The following ETV6 variants were observed in gnomAD, a reference collection of about 807,000 sequenced individuals.
ETV6 encodes the protein ETS variant transcription factor 6.
In ETV6, 16 loss-of-function variants were observed where a neutral mutation model predicts 51.1. The ratio of observed to expected loss-of-function variants is 0.31; its 90% CI spans 0.21 to 0.48. The LOEUF is 0.48. Ranked by LOEUF, ETV6 falls within the 20% of genes least tolerant of loss-of-function variation. The probability of loss-of-function intolerance (pLI) is 0.99; values close to 1 mark genes in which losing one functional copy is unlikely to be tolerated. For missense variants in ETV6, 458 were observed against 594.8 expected (o/e 0.77, Z 2.39); for synonymous variants, 240 against 224.1 (o/e 1.07, Z -0.64).
intron 2 of ETV6, among the ~76,000 whole-genome samples, chr12:11,831,041 C>G (rs1452258422): frequency 6.6e-6 from 1 of 152,146 alleles, no homozygotes; most frequent in Non-Finnish European, 1.5e-5. Flanking sequence ...AGACACAACT[C>G]AGAGTCATTT....
At chr12:11,733,135 G>A (rs1028228392) in intron 1 of ETV6, among the ~76,000 whole-genome samples, 9 of 152,150 alleles carry the variant, frequency 5.9e-5, no homozygotes, top group African/African-American at 1.7e-4. Flanking sequence ...TGGGCTGGGC[G>A]CAGTGGCTCA....
rs12318176 is a variant in ETV6, at chr12:11,783,622, A to G, written c.163+31043A>G. ...ATCAGAGAGTTGAAAATAAAGGAGA[A>G]ATATGGGGTGATTTATGGAACAGAG... On this transcript the variant is annotated intron_variant, in intron 2 of 7. Coordinates refer to ENST00000396373, the MANE Select transcript of ETV6 (RefSeq NM_001987.5). Among the ~76,000 whole-genome samples the G allele has an allele frequency of 3.9e-3, 592 of 152,268 alleles. 2 individuals carry two copies. Among genetic ancestry groups the G allele is most frequent in the African/African-American group, 0.014 (572 of 41,536 alleles).
chr12:11,673,739 TG>T (rs1864363509), intron 1 of ETV6, among the ~76,000 whole-genome samples: 1 of 152,178 alleles, frequency 6.6e-6, no homozygotes, highest in South Asian at 2.1e-4. Context: ...CATTTTCAAG[TG>T]TCTTCTTGGG....
chr12:11,741,291 C>T (rs1442505604), intron 1 of ETV6, among the ~76,000 whole-genome samples: 3 of 152,208 alleles, frequency 2.0e-5, no homozygotes, highest in African/African-American at 2.4e-5. Context: ...TCATTCCCCT[C>T]ACCCAGGGAA....
rs34349962 is a variant in ETV6, at chr12:11,656,824, CT to C, written c.33+6676del. Among the ~76,000 whole-genome samples the C allele has an allele frequency of 2.5e-3, 362 of 147,082 alleles. 6 individuals are homozygous for C. The highest frequency in any genetic ancestry group is 0.021 in the East Asian group (108 of 5,104). On this transcript the variant is annotated intron_variant, in intron 1 of 7. Coordinates refer to ENST00000396373, the MANE Select transcript of ETV6 (RefSeq NM_001987.5). ...TGGTCAGTTGCTTCTCCTTATACAA[CT>C]TTTTTTTTTTTCCTTTTAAAGCTTT... is the stretch of plus-strand genomic sequence containing the variant.
Position 11,746,763 on chromosome 12 carries a change from G to A in ETV6, c.34-5687G>A, listed in dbSNP as rs572147841. On this transcript the variant is annotated intron_variant, in intron 1 of 7. Coordinates refer to ENST00000396373, the MANE Select transcript of ETV6 (RefSeq NM_001987.5). ...CTTTTACAGAGATGTTTGATTGCAG[G>A]GCTTATTGCTAATGCTCTCTCTCTC... is the stretch of plus-strand genomic sequence containing the variant. Among the ~76,000 whole-genome samples, 3 of 149,680 alleles carry A rather than the reference G, an allele frequency of 2.0e-5. No homozygotes were observed. In the East Asian group the frequency reaches 5.9e-4, roughly 29 times the overall value.
intron 1 of ETV6, among the ~76,000 whole-genome samples, chr12:11,676,812 A>AT (rs1164448876): frequency 1.3e-5 from 2 of 151,948 alleles, no homozygotes; most frequent in African/African-American, 4.8e-5. Context: ...ATATCTGTTG[A>AT]TTGAAGGAGT....
chr12:11,805,088 T>C (rs1402987800), intron 2 of ETV6, among the ~76,000 whole-genome samples: 1 of 152,152 alleles, frequency 6.6e-6, no homozygotes, highest in African/African-American at 2.4e-5. Flanking sequence ...AGGTGCAGGT[T>C]GCTGGGCTGG....
chr12:11,822,515 G>T (rs1946095897), intron 2 of ETV6, among the ~76,000 whole-genome samples: 1 of 152,164 alleles, frequency 6.6e-6, no homozygotes, highest in African/African-American at 2.4e-5. Context: ...AGGTCTGTAG[G>T]GGAAATTTTG....
At chr12:11,716,463 A>G (rs980155729) in intron 1 of ETV6, 1 of 151,634 alleles carries the variant, frequency 6.6e-6, no homozygotes, top group Non-Finnish European at 1.5e-5. Context: ...GGGGTCCATC[A>G]TCCTGCTTCT....
chr12:11,874,231 G>A (rs1334486187), intron 5 of ETV6, among the ~76,000 whole-genome samples: 2 of 151,366 alleles, frequency 1.3e-5, no homozygotes, highest in African/African-American at 2.4e-5. Context: ...ACAAAAATTC[G>A]TCGGGCATGG....
chr12:11,844,386 T>C (rs1198098093), intron 3 of ETV6, among the ~76,000 whole-genome samples: 1 of 152,230 alleles, frequency 6.6e-6, no homozygotes, highest in Non-Finnish European at 1.5e-5. Context: ...CTGCAGTCTT[T>C]TCATATACTA....
intron 5 of ETV6, among the ~76,000 whole-genome samples, chr12:11,884,150 C>G (rs1947149989): frequency 6.6e-6 from 1 of 152,166 alleles, no homozygotes; most frequent in East Asian, 1.9e-4. Flanking sequence ...GGGTTCTGCC[C>G]AGGTTTAAGT....
chr12:11,788,648 C>G (rs1200754110), intron 2 of ETV6, among the ~76,000 whole-genome samples: 1 of 152,010 alleles, frequency 6.6e-6, no homozygotes, highest in Non-Finnish European at 1.5e-5. Context: ...TCCCTTCACT[C>G]TTGATTTCTT....
intron 2 of ETV6, among the ~76,000 whole-genome samples, chr12:11,812,239 A>G (rs980992945): frequency 6.6e-6 from 1 of 152,292 alleles, no homozygotes; most frequent in South Asian, 2.1e-4. Flanking sequence ...TTTTGCACAA[A>G]TCTTACCAGA....
chr12:11,876,946 A>C (rs532717519), intron 5 of ETV6, among the ~76,000 whole-genome samples: 1 of 152,344 alleles, frequency 6.6e-6, no homozygotes, highest in South Asian at 2.1e-4. Flanking sequence ...TTGTGACTTT[A>C]AAAAATACTT....
rs571901784 is a variant in ETV6 at position 11,851,499 on chromosome 12, A to G, written c.329-1928A>G. Among the ~76,000 whole-genome samples the G allele has an allele frequency of 8.5e-4, 129 of 152,298 alleles. 1 individual carries two copies. The highest frequency in any genetic ancestry group is 9.0e-4 in the Non-Finnish European group (61 of 68,014). On this transcript the variant is annotated intron_variant, in intron 3 of 7. Coordinates refer to ENST00000396373, the MANE Select transcript of ETV6 (RefSeq NM_001987.5). ...TCCCCGCCTCATCAGAGACATCACC[A>G]TGACTACTAGGTTTGGATTCAATGA...
At chr12:11,794,709 G>C (rs1945652052) in intron 2 of ETV6, among the ~76,000 whole-genome samples, 1 of 152,156 alleles carries the variant, frequency 6.6e-6, no homozygotes, top group Non-Finnish European at 1.5e-5. Flanking sequence ...TTTCAGATTT[G>C]TGGGGATTAG....
intron 2 of ETV6, among the ~76,000 whole-genome samples, chr12:11,786,710 C>A (rs1278106985): frequency 6.6e-6 from 1 of 152,196 alleles, no homozygotes; most frequent in African/African-American, 2.4e-5. Context: ...TTTCTAAAGA[C>A]TCTTCCAGCA....
Sources: allele counts gnomAD v4.1 joint callset (sites outside exome capture counted in the v4.1 genomes callset), GRCh38; gene constraint gnomAD v4.1.1; transcripts MANE v1.5; gene names NCBI Gene and HGNC (gene_info 2026-07-23, HGNC 2026-07-21).